Variants in DCLK2 observed in about 807,000 individuals in gnomAD.
DCLK2 encodes doublecortin like kinase 2, also known as serine/threonine-protein kinase DCLK2.
DCLK2 carries 31 observed loss-of-function variants against 78.4 expected under a neutral mutation model. That is an observed-to-expected ratio of 0.40 (90% CI 0.30 to 0.53). DCLK2 has a LOEUF of 0.53. DCLK2 is among the 20% of genes least tolerant of loss of function. The pLI, the probability that DCLK2 is intolerant of heterozygous loss-of-function variation, is 0.61. For synonymous variants in DCLK2, 407 were observed against 374.9 expected (o/e 1.09, Z -0.99); for missense variants, 872 against 973.7 (o/e 0.90, Z 1.39).
rs146893505 is a variant in DCLK2 at position 150,220,945 on chromosome 4, C to A, written c.1132+167C>A. ...TAAGAGGCGGGGATGGGGGTTACTT[C>A]AAGATAAAGAAAAATCTCATTGTCA... On this transcript the variant is annotated intron_variant, in intron 6 of 15. Coordinates refer to ENST00000296550, the MANE Select transcript of DCLK2 (RefSeq NM_001040260.4). Among the ~76,000 whole-genome samples the A allele has an allele frequency of 4.2e-3, 635 of 152,274 alleles. 3 individuals carry two copies. The highest frequency in any genetic ancestry group is 0.014 in the African/African-American group (574 of 41,558).
chr4:150,189,623 A>G (rs986755448), intron 2 of DCLK2, among the ~76,000 whole-genome samples: 3 of 152,216 alleles, frequency 2.0e-5, no homozygotes, highest in Non-Finnish European at 4.4e-5. Flanking sequence ...ACATGCCGCC[A>G]TATAGACAGA....
At chr4:150,249,016 G>A (rs986584368) in intron 14 of DCLK2, among the ~76,000 whole-genome samples, 3 of 152,064 alleles carry the variant, frequency 2.0e-5, no homozygotes, top group Admixed American at 1.3e-4. Flanking sequence ...TGTTGACTCC[G>A]GTTGGGAAGC....
rs1744573511 is a variant in DCLK2, at chr4:150,256,393, G to A, written c.*146G>A. Reference sequence around the variant, plus strand: ...TCCTCCGCAGGCCGCCTGGGAACCGGAGCCTGGCGTGCCGGAGCCTGGCCT... The same window carrying A: ...TCCTCCGCAGGCCGCCTGGGAACCGAAGCCTGGCGTGCCGGAGCCTGGCCT... On this transcript the variant is annotated 3_prime_UTR_variant, in exon 16 of 16. Transcript: ENST00000296550. The A allele has an allele frequency of 8.7e-7, 1 of 1,149,742 alleles. No homozygotes were observed. The highest frequency in any genetic ancestry group is 1.2e-6 in the Non-Finnish European group (1 of 845,896). 71.2% of individuals were successfully genotyped at this position (1,149,742 alleles called of 1,614,324 possible).
chr4:150,117,809 T>C (rs1176690198), intron 2 of DCLK2, among the ~76,000 whole-genome samples: 1 of 152,200 alleles, frequency 6.6e-6, no homozygotes, highest in Non-Finnish European at 1.5e-5. Context: ...TGTGGTTTCT[T>C]TCAGTTTTCA....
intron 2 of DCLK2, among the ~76,000 whole-genome samples, chr4:150,127,038 C>A (rs1270978721): frequency 2.0e-5 from 3 of 152,044 alleles, no homozygotes; most frequent in Non-Finnish European, 4.4e-5. Context: ...GCATTTTTGG[C>A]AACAATACTA....
intron 5 of DCLK2, among the ~76,000 whole-genome samples, chr4:150,205,714 A>G (rs1339514311): frequency 6.6e-6 from 1 of 152,266 alleles, no homozygotes; most frequent in Non-Finnish European, 1.5e-5. Context: ...AACTTTCAAG[A>G]GAACTAAAAT....
intron 2 of DCLK2, among the ~76,000 whole-genome samples, chr4:150,173,470 C>G (rs564449229): frequency 6.6e-6 from 1 of 152,272 alleles, no homozygotes; most frequent in African/African-American, 2.4e-5. Flanking sequence ...GGAATAAAGG[C>G]TCCTAAGGAA....
intron 4 of DCLK2, among the ~76,000 whole-genome samples, chr4:150,203,051 G>A (rs1333740783): frequency 6.6e-6 from 1 of 152,130 alleles, no homozygotes; most frequent in Non-Finnish European, 1.5e-5. Flanking sequence ...TGCAGATTCT[G>A]TACTACATAA....
chr4:150,253,649 T>C (rs1744348714), intron 15 of DCLK2: 1 of 1,268,022 alleles, frequency 7.9e-7, no homozygotes, highest in Non-Finnish European at 1.0e-6. Context: ...GCCGTCCGGC[T>C]CTCAGCTGCT....
chr4:150,232,346 A>G lies in DCLK2; in HGVS notation c.1309A>G (p.Ile437Val), dbSNP rs1742141496. 1 of 1,613,832 alleles carries G rather than the reference A, an allele frequency of 6.2e-7. No homozygotes were observed. Among genetic ancestry groups the G allele is most frequent in the African/African-American group, 1.3e-5 (1 of 74,892 alleles). ...ACCGTTCATTTGACAGGAACACCTG[A>G]TTGAGAATGAAGTGTCAATACTGCG... ...KAKCCGKEHL[I>V]ENEVSILRRV... The change falls in exon 9 of 16, where the codon ATT becomes GTT. Residue 437 changes from isoleucine to valine, a missense_variant. Around this residue, in one of 3 missense-constraint regions of DCLK2, gnomAD observed 567 missense variants for 593.4 expected, o/e 0.96. Coordinates refer to ENST00000296550, the MANE Select transcript of DCLK2 (RefSeq NM_001040260.4).
In DCLK2 at chr4:150,139,551, G is replaced by A. The variant is rs78328041; in HGVS notation, c.756+36739G>A. Among the ~76,000 whole-genome samples, 1,202 of 152,270 alleles carry A rather than the reference G, an allele frequency of 7.9e-3. 15 individuals are homozygous for A. The highest frequency in any genetic ancestry group is 0.024 in the African/African-American group (997 of 41,546). On this transcript the variant is annotated intron_variant, in intron 2 of 15. Coordinates refer to ENST00000296550, the MANE Select transcript of DCLK2 (RefSeq NM_001040260.4). ...ATTAATGTGTGGTCTTACAGGGTGC[G>A]TTTGCAGTCAAAGTGAGAATCTACA...
chr4:150,248,837 T>G (rs1284999336), intron 14 of DCLK2, among the ~76,000 whole-genome samples: 1 of 152,082 alleles, frequency 6.6e-6, no homozygotes, highest in African/African-American at 2.4e-5. Context: ...GCTTCAGAGC[T>G]GAGTGGAGAC....
intron 2 of DCLK2, among the ~76,000 whole-genome samples, chr4:150,157,489 TTTTGTTTG>T (rs140147570): frequency 0.05 from 4,974 of 98,868 alleles, 269 homozygotes; most frequent in African/African-American, 0.15. Flanking sequence ...GAGATGGTTT[TTTTGTTTG>T]TTTGTTTGTT....
At chr4:150,195,674 A>G (rs1170914636) in intron 3 of DCLK2, among the ~76,000 whole-genome samples, 2 of 150,370 alleles carry the variant, frequency 1.3e-5, no homozygotes, top group African/African-American at 4.9e-5. Flanking sequence ...ATGTACAGGC[A>G]TTGTACTCAG....
intron 1 of DCLK2, among the ~76,000 whole-genome samples, chr4:150,087,107 A>G (rs977286772): frequency 2.0e-5 from 3 of 152,122 alleles, no homozygotes; most frequent in Non-Finnish European, 4.4e-5. Context: ...ATTTTGTCCT[A>G]TTTGCCGTGT....
intron 1 of DCLK2, among the ~76,000 whole-genome samples, chr4:150,086,657 C>A (rs1729670865): frequency 6.6e-6 from 1 of 152,096 alleles, no homozygotes; most frequent in African/African-American, 2.4e-5. Context: ...CAGGCGCCCA[C>A]CACCACGCCC....
chr4:150,146,551 T>C (rs926188243), intron 2 of DCLK2, among the ~76,000 whole-genome samples: 7 of 152,166 alleles, frequency 4.6e-5, no homozygotes, highest in Non-Finnish European at 1.0e-4. Context: ...GAGAGCTTGG[T>C]TGTTGGAGTC....
At chr4:150,205,523 G>C (rs117256923) in intron 5 of DCLK2, among the ~76,000 whole-genome samples, 1 of 152,102 alleles carries the variant, frequency 6.6e-6, no homozygotes, top group Non-Finnish European at 1.5e-5. Flanking sequence ...AAAGAAGCAG[G>C]CATTTTTCTG....
intron 2 of DCLK2, among the ~76,000 whole-genome samples, chr4:150,188,665 G>T (rs1051897577): frequency 2.6e-5 from 4 of 152,108 alleles, no homozygotes; most frequent in Non-Finnish European, 5.9e-5. Flanking sequence ...ACTATGGGAG[G>T]CTGAGGCAGG....
Sources: allele counts gnomAD v4.1 joint callset (sites outside exome capture counted in the v4.1 genomes callset), GRCh38; gene constraint gnomAD v4.1.1; regional missense constraint gnomAD v4.1.1; transcripts MANE v1.5; gene names NCBI Gene and HGNC (gene_info 2026-07-23, HGNC 2026-07-21).